MGAM: variants seen among roughly 807,000 people sequenced by gnomAD.
The protein encoded by MGAM is maltase-glucoamylase.
A neutral mutation model predicts 358.8 loss-of-function variants in MGAM; 253 were observed. That is an observed-to-expected ratio of 0.71 (90% CI 0.64 to 0.78). The LOEUF (loss-of-function observed/expected upper bound fraction) is 0.78, where lower values mean the gene tolerates loss of function less well. Ranked by LOEUF, MGAM falls within the 30% of genes least tolerant of loss-of-function variation. The pLI is 0.00. For missense variants in MGAM, 3,080 were observed against 3,432.6 expected, an observed-to-expected ratio of 0.90 and a Z score of 2.57; for synonymous variants, 1,105 against 1,227.1, an observed-to-expected ratio of 0.90 and a Z score of 2.08.
At chr7:142,046,716 G>T (rs1810447262) in intron 21 of MGAM, among the ~76,000 whole-genome samples, 1 of 152,094 alleles carries the variant, frequency 6.6e-6, no homozygotes, top group African/African-American at 2.4e-5. Context: ...ACAGGAATAT[G>T]TGTTGTAATT....
intron 23 of MGAM, among the ~76,000 whole-genome samples, 181 bp from the exon 24 acceptor site, chr7:142,050,516 C>T (rs6948116): frequency 0.54 from 82,375 of 151,902 alleles, 22,821 homozygotes; most frequent in Middle Eastern, 0.63. Flanking sequence ...TTTTTATGAT[C>T]GTTTTAAATT....
chr7:142,010,082 A>G (rs1424923924), intron 3 of MGAM, among the ~76,000 whole-genome samples: 1 of 152,168 alleles, frequency 6.6e-6, no homozygotes, highest in Non-Finnish European at 1.5e-5. Flanking sequence ...TTGGTTGTAA[A>G]TACCATTGTT....
intron 14 of MGAM, 81 bp from the exon 15 acceptor site, chr7:142,034,181 C>T: frequency 1.1e-6 from 1 of 938,180 alleles, no homozygotes; most frequent in Non-Finnish European, 1.6e-6. Flanking sequence ...GCCCAGGGGG[C>T]TGTCATTTCG....
chr7:142,035,583 G>A (rs1338869274), intron 16 of MGAM, among the ~76,000 whole-genome samples: 2 of 149,030 alleles, frequency 1.3e-5, no homozygotes, highest in Non-Finnish European at 2.9e-5. Flanking sequence ...TGACTAATCA[G>A]GGGGGAAGTT....
intron 10 of MGAM, among the ~76,000 whole-genome samples, chr7:142,028,361 G>A (rs371294876): frequency 2.6e-5 from 4 of 152,124 alleles, no homozygotes; most frequent in African/African-American, 9.7e-5. Context: ...TTGAGGAAGT[G>A]GAGTAGTTCT....
In MGAM at chr7:142,034,322, G is replaced by A; in HGVS notation, c.1730G>A (p.Gly577Asp). ...TLCMDAVQHW[G>D]KQYDIHNLYG... Reference sequence around the variant, plus strand: ...TGTATGGATGCAGTGCAGCACTGGGGCAAGCAGTATGACATTCACAATCTG... The same window carrying A: ...TGTATGGATGCAGTGCAGCACTGGGACAAGCAGTATGACATTCACAATCTG... Residue 577 changes from glycine to aspartate, a missense_variant, in exon 15 of 71, where the codon GGC becomes GAC. By Grantham distance (94) the Gly-to-Asp change is moderately conservative. This residue lies in a region of MGAM where 1,816 missense variants were observed against 1,840.5 expected (regional missense o/e 0.99). Coordinates refer to ENST00000475668, the MANE Select transcript of MGAM (RefSeq NM_001365693.1). The A allele has an allele frequency of 6.3e-7, 1 of 1,598,508 alleles. No homozygotes were observed. Among genetic ancestry groups the A allele is most frequent in the Non-Finnish European group, 8.5e-7 (1 of 1,172,380 alleles).
At chr7:141,997,865 C>T (rs1364563155) in intron 1 of MGAM, among the ~76,000 whole-genome samples, 2 of 152,276 alleles carry the variant, frequency 1.3e-5, no homozygotes, top group African/African-American at 2.4e-5. Context: ...ACTAATATCG[C>T]CCAGCATTTT....
At position 142,082,066 on chromosome 7, in the gene MGAM, C is replaced by T. The variant is rs757841399; in HGVS notation, c.6027C>T (p.Phe2009=). 18 of 1,555,640 alleles carry T rather than the reference C, an allele frequency of 1.2e-5. 3 individuals are homozygous for T. In the East Asian group the frequency reaches 2.0e-4, roughly 18 times the overall value. ...TIIWDSQLLG[F]TFNDMFIRIS... Reference sequence around the variant, plus strand: ...GTTGGGACTCTCAGCTCCTTGGCTTCACCTTCAATGACATGTTTATCCGCA... The same window carrying T: ...GTTGGGACTCTCAGCTCCTTGGCTTTACCTTCAATGACATGTTTATCCGCA... Residue 2009 remains phenylalanine, a synonymous_variant, in exon 51 of 71, where the codon TTC becomes TTT. Coordinates refer to ENST00000475668, the MANE Select transcript of MGAM (RefSeq NM_001365693.1).
rs1166384209 is a variant in MGAM, at chr7:142,088,946, T to C, written c.6810+2229T>C. Among the ~76,000 whole-genome samples, 3 of 140,190 alleles carry C rather than the reference T, an allele frequency of 2.1e-5. 1 individual carries two copies. Among genetic ancestry groups the C allele is most frequent in the Non-Finnish European group, 3.2e-5 (2 of 62,736 alleles). The allele number at this position is 140,190 out of a possible 152,430, so 92.0% of individuals were successfully genotyped here. A position where few individuals can be genotyped will look rare whatever the true frequency, so the allele number is the denominator to read the frequency against. ...CTTCTGTCTATCATTTATCTACCTA[T>C]TTATATATCATCTATCTCTATGTAT... On this transcript the variant is annotated intron_variant, in intron 57 of 70. Coordinates refer to ENST00000475668, the MANE Select transcript of MGAM (RefSeq NM_001365693.1).
intron 4 of MGAM, among the ~76,000 whole-genome samples, 179 bp downstream of exon 4, chr7:142,019,498 C>A (rs528155044): frequency 6.6e-6 from 1 of 152,338 alleles, no homozygotes; most frequent in East Asian, 1.9e-4. Flanking sequence ...AAAAATTATT[C>A]TCTGCCTTGG....
Position 142,092,437 on chromosome 7 carries a change from A to G in MGAM, c.6946-84A>G. On this transcript the variant is annotated intron_variant, in intron 58 of 70. Transcript: ENST00000475668. ...TATAGGGATTACTGGATGTTGAACA[A>G]TGTATTCACTGCTTCCTTGGCTCAG... is the stretch of plus-strand genomic sequence containing the variant. 4 of 1,294,800 alleles carry G rather than the reference A, an allele frequency of 3.1e-6. 1 individual carries two copies. The highest frequency in any genetic ancestry group is 4.1e-5 in the Admixed American group (2 of 49,094). 80.2% of individuals were successfully genotyped at this position (1,294,800 alleles called of 1,614,324 possible).
In MGAM at chr7:142,102,057, G is replaced by C. The variant is rs1036829355; in HGVS notation, c.7964-573G>C. Among the ~76,000 whole-genome samples, 57 of 152,302 alleles carry C rather than the reference G, an allele frequency of 3.7e-4. No homozygotes were observed. In the Middle Eastern group the frequency reaches 0.01, roughly 27 times the overall value. On this transcript the variant is annotated intron_variant, in intron 68 of 70. Transcript: ENST00000475668. ...ATTGACTAGTTCACCTTCACCGGCT[G>C]TGCTGAACTTCATATTCTTCCTAGG... is the stretch of plus-strand genomic sequence containing the variant.
In MGAM at chr7:142,065,725, A is replaced by G. The variant is rs757649811; in HGVS notation, c.4664A>G (p.Asp1555Gly). The G allele has an allele frequency of 3.2e-6, 5 of 1,576,392 alleles. No homozygotes were observed. Among genetic ancestry groups the G allele is most frequent in the East Asian group, 2.3e-5 (1 of 44,330 alleles). Residue 1555 changes from aspartate (D) to glycine (G), a missense_variant, in exon 40 of 71, where the codon GAT becomes GGT. Coordinates refer to ENST00000475668, the MANE Select transcript of MGAM (RefSeq NM_001365693.1). ...TTCCTCTTGTTTCAGACGGGAGCAG[A>G]TATCTGTGGGTTCTTTCAAGACGCT... is the stretch of plus-strand genomic sequence containing the variant. ...SLFGISYTGA[D>G]ICGFFQDAEY...
chr7:142,002,496 C>T (rs1413024980), intron 1 of MGAM, among the ~76,000 whole-genome samples: 4 of 151,804 alleles, frequency 2.6e-5, no homozygotes, highest in Non-Finnish European at 5.9e-5. Context: ...AATAGATGCA[C>T]AAAAAGTATT....
intron 21 of MGAM, among the ~76,000 whole-genome samples, chr7:142,045,188 A>ATATATAATATATATTATATAACATATATG (rs1563156630): frequency 2.9e-4 from 12 of 41,864 alleles, no homozygotes; most frequent in East Asian, 9.2e-4. Flanking sequence ...AACATATATG[A>ATATATAATATATATTATATAACATATATG]TATATAATAT....
At chr7:142,021,481 G>A (rs1220535027) in intron 5 of MGAM, 105 bp from the exon 6 acceptor site, 5 of 1,100,682 alleles carry the variant, frequency 4.5e-6, no homozygotes, top group Non-Finnish European at 1.3e-6. Context: ...CCTAAGATAT[G>A]AGGTCAGTTT....
intron 35 of MGAM, among the ~76,000 whole-genome samples, 181 bp from the exon 36 acceptor site, chr7:142,063,318 G>T (rs552890212): frequency 6.6e-6 from 1 of 152,136 alleles, no homozygotes; most frequent in Non-Finnish European, 1.5e-5. Context: ...CTAGCCAGTC[G>T]TTCTGTAGGA....
rs369972042 is a variant in MGAM, at chr7:142,052,928, G to A, written c.3103G>A (p.Val1035Met). The A allele has an allele frequency of 1.6e-5, 26 of 1,613,578 alleles. No individual in the cohort carries two copies. In the African/African-American group the frequency reaches 1.7e-4, roughly 11 times the overall value. Residue 1035 changes from valine to methionine, a missense_variant, in exon 26 of 71, where the codon GTG (valine) becomes ATG (methionine). Physicochemically the swap from Val to Met is conservative, Grantham distance 21 (BLOSUM62 1). Coordinates refer to ENST00000475668, the MANE Select transcript of MGAM (RefSeq NM_001365693.1). ...VYANAFPSTP[V>M]NPLRLDVTYH... is the part of the protein sequence containing the mutation. ...TGCCAATGCCTTCCCCTCCACACCC[G>A]TGAACCCCCTTCGCCTGGATGTCAC...
intron 69 of MGAM, 41 bp from the exon 70 acceptor site, chr7:142,103,228 A>C: frequency 6.8e-7 from 1 of 1,481,052 alleles, no homozygotes; most frequent in Non-Finnish European, 9.1e-7. Flanking sequence ...AATTTGAACT[A>C]ATTCTGCTAT....
Sources: allele counts gnomAD v4.1 joint callset (sites outside exome capture counted in the v4.1 genomes callset), GRCh38; gene constraint gnomAD v4.1.1; regional missense constraint gnomAD v4.1.1; transcripts MANE v1.5; gene names NCBI Gene and HGNC (gene_info 2026-07-23, HGNC 2026-07-21).